Variants in DOCK8 observed in about 807,000 individuals in gnomAD.
DOCK8 encodes the protein dedicator of cytokinesis protein 8.
DOCK8 carries 141 observed loss-of-function variants against 245.6 expected under a neutral mutation model. The observed-to-expected ratio is 0.57, with a 90% CI of 0.50 to 0.66. The LOEUF (loss-of-function observed/expected upper bound fraction) is 0.66. DOCK8 is among the 30% of genes least tolerant of loss of function. The pLI is 0.00. For synonymous variants in DOCK8, 1,168 were observed against 970.2 expected (o/e 1.20, Z -3.79); for missense variants, 2,965 against 2,603.4 (o/e 1.14, Z -3.02).
chr9:424,897 A>G (rs969429031), intron 33 of DOCK8, among the ~76,000 whole-genome samples: 7 of 152,236 alleles, frequency 4.6e-5, no homozygotes, highest in African/African-American at 9.6e-5. Flanking sequence ...GTGCTGTCCA[A>G]TACAGTAGCC....
intron 9 of DOCK8, among the ~76,000 whole-genome samples, chr9:328,826 CTT>C (rs1758781608): frequency 6.6e-6 from 1 of 151,056 alleles, no homozygotes; most frequent in Middle Eastern, 3.4e-3. Context: ...AGGCTATACT[CTT>C]TGCTGTTGTA....
chr9:423,591 C>G (rs1222578345), intron 33 of DOCK8, among the ~76,000 whole-genome samples: 1 of 152,156 alleles, frequency 6.6e-6, no homozygotes, highest in Non-Finnish European at 1.5e-5. Flanking sequence ...TGGGGAGTCA[C>G]ATTTATTTTA....
intron 28 of DOCK8, among the ~76,000 whole-genome samples, chr9:409,727 C>T (rs1232903127): frequency 2.6e-5 from 4 of 151,854 alleles, no homozygotes; most frequent in Admixed American, 2.0e-4. Flanking sequence ...GCTGTCCCTC[C>T]CCACTCCCCC....
intron 5 of DOCK8, among the ~76,000 whole-genome samples, chr9:307,864 C>T (rs540092225): frequency 2.2e-4 from 34 of 152,194 alleles, no homozygotes; most frequent in African/African-American, 6.5e-4. Flanking sequence ...TATGTATACA[C>T]GATAGAATAC....
intron 26 of DOCK8, among the ~76,000 whole-genome samples, chr9:403,531 A>G (rs745961374): frequency 3.9e-5 from 6 of 152,280 alleles, no homozygotes; most frequent in East Asian, 1.9e-4. Flanking sequence ...TCTGTAGGCA[A>G]TATGTCCCAC....
At chr9:432,647 G>A (rs570072171) in intron 37 of DOCK8, among the ~76,000 whole-genome samples, 1 of 152,148 alleles carries the variant, frequency 6.6e-6, no homozygotes, top group African/African-American at 2.4e-5. Context: ...AGGAAGAGAG[G>A]TCGTGATCAA....
chr9:442,280 T>C (rs2057117106), intron 42 of DOCK8, among the ~76,000 whole-genome samples: 1 of 152,264 alleles, frequency 6.6e-6, no homozygotes, highest in African/African-American at 2.4e-5. Flanking sequence ...TTGAAGTCTG[T>C]GCAAAATTCA....
At chr9:305,131 T>C (rs550255616) in intron 5 of DOCK8, among the ~76,000 whole-genome samples, 7 of 152,308 alleles carry the variant, frequency 4.6e-5, no homozygotes, top group African/African-American at 1.4e-4. Flanking sequence ...GGGCTTCAGT[T>C]TCCTCCCCTG....
Position 428,363 on chromosome 9 carries a change from C to A in DOCK8, c.4340C>A (p.Ala1447Glu). The A allele has an allele frequency of 1.9e-6, 3 of 1,614,140 alleles. No homozygotes were observed. The highest frequency in any genetic ancestry group is 1.7e-6 in the Non-Finnish European group (2 of 1,180,038). The change falls in exon 35 of 48, where the codon GCG becomes GAG. Residue 1447 changes from alanine to glutamate, a missense_variant and splice_region_variant. By Grantham distance (107) the Ala-to-Glu change is moderately radical. This residue lies in a region of DOCK8 where 2,825 missense variants were observed against 2,453.5 expected (regional missense o/e 1.15). Coordinates refer to ENST00000432829, the MANE Select transcript of DOCK8 (RefSeq NM_203447.4). The stretch of plus-strand genomic sequence containing the variant: ...GATGCTGTTCTTCCATTCCCCCAGG[C>A]GAGCTCGGCTCTGGACTGTAAAGAC... Reference protein sequence around the residue: ...ILDMQENIIQASSALDCKDSL... With the variant: ...ILDMQENIIQESSALDCKDSL...
At chr9:307,174 A>G (rs1309252630) in intron 5 of DOCK8, among the ~76,000 whole-genome samples, 2 of 152,100 alleles carry the variant, frequency 1.3e-5, no homozygotes, top group Non-Finnish European at 2.9e-5. Flanking sequence ...CAGCAGACAC[A>G]GCGGAAATAT....
At chr9:288,903 A>G (rs1027460775) in intron 3 of DOCK8, among the ~76,000 whole-genome samples, 4 of 152,228 alleles carry the variant, frequency 2.6e-5, no homozygotes, top group African/African-American at 9.6e-5. Flanking sequence ...GTACTAATGC[A>G]TTTGCAACAA....
At position 377,199 on chromosome 9, in the gene DOCK8, G is replaced by T; in HGVS notation, c.2428G>T (p.Ala810Ser). ...GCTGTCCGTGCAGCCCATGGTCATC[G>T]CTGGCCAGACAGGTATGAACCTGCA... ...FQLSVQPMVI[A>S]GQTANFSQFA... The change falls in exon 20 of 48, where the codon GCT becomes TCT. Residue 810 changes from alanine to serine, a missense_variant. Ala to Ser is a moderately conservative substitution (Grantham distance 99). Around this residue, in one of 3 missense-constraint regions of DOCK8, gnomAD observed 2,825 missense variants for 2,453.5 expected, o/e 1.15. Coordinates refer to ENST00000432829, the MANE Select transcript of DOCK8 (RefSeq NM_203447.4). 6.3e-7 allele frequency: 1 copy of T among 1,593,042 alleles called. No individual in the cohort carries two copies. Among genetic ancestry groups the T allele is most frequent in the South Asian group, 1.1e-5 (1 of 89,590 alleles).
In DOCK8 at chr9:333,582, CAG is replaced by C. The variant is rs2051154809; in HGVS notation, c.1126-640_1126-639del. On this transcript the variant is annotated intron_variant, in intron 10 of 47. Coordinates refer to ENST00000432829, the MANE Select transcript of DOCK8 (RefSeq NM_203447.4). ...TGCCACTGCACTCCAGCCTGGGTGA[CAG>C]AGTGAGACTCTGTCTCAAAAAAAAA... is the stretch of plus-strand genomic sequence containing the variant. Among the ~76,000 whole-genome samples, 3 of 146,210 alleles carry C rather than the reference CAG, an allele frequency of 2.1e-5. No homozygotes were observed. In the South Asian group the frequency reaches 6.4e-4, roughly 31 times the overall value.
At chr9:384,254 C>T (rs937025078) in intron 22 of DOCK8, among the ~76,000 whole-genome samples, 7 of 152,136 alleles carry the variant, frequency 4.6e-5, no homozygotes, top group African/African-American at 9.7e-5. Flanking sequence ...ATGGAGTATA[C>T]GATCCAACAG....
In DOCK8 at chr9:245,136, C is replaced by T. The variant is rs139480421; in HGVS notation, c.54-26491C>T. ...ACACTCACTCCACAAGCCACCTACA[C>T]AGCTGTAGTTGTTTTCAGCCGACAG... On this transcript the variant is annotated intron_variant, in intron 1 of 47. Transcript: ENST00000432829. 3.8e-4 allele frequency among the ~76,000 whole-genome samples: 58 copies of T among 152,302 alleles called. No homozygotes were observed. In the East Asian group the frequency reaches 0.01, roughly 27 times the overall value.
intron 2 of DOCK8, among the ~76,000 whole-genome samples, chr9:278,459 T>G (rs931589735): frequency 1.3e-5 from 2 of 152,208 alleles, no homozygotes; most frequent in South Asian, 2.1e-4. Flanking sequence ...GATACAACAG[T>G]GAATACAATA....
intron 1 of DOCK8, among the ~76,000 whole-genome samples, chr9:230,518 C>G (rs1423953883): frequency 6.6e-6 from 1 of 152,104 alleles, no homozygotes; most frequent in East Asian, 1.9e-4. Context: ...GTCCCACCAA[C>G]AGTGTAAAAG....
At chr9:350,304 G>A (rs1013010923) in intron 14 of DOCK8, among the ~76,000 whole-genome samples, 1 of 152,146 alleles carries the variant, frequency 6.6e-6, no homozygotes, top group Non-Finnish European at 1.5e-5. Context: ...TAGAGACAAG[G>A]TCTCACTCTG....
At chr9:403,858 A>ATCTCTCTGTCTCTCTCTCTCTC (rs1554693888) in intron 26 of DOCK8, among the ~76,000 whole-genome samples, 6 of 83,966 alleles carry the variant, frequency 7.1e-5, no homozygotes, top group Non-Finnish European at 1.1e-4. Context: ...AAGACTCTGT[A>ATCTCTCTGTCTCTCTCTCTCTC]TCTCTCTCTC....
Sources: gnomAD v4.1 joint callset for allele counts (sites outside exome capture counted in the v4.1 genomes callset) on GRCh38, gnomAD v4.1.1 for gene constraint, gnomAD v4.1.1 regional missense constraint, MANE v1.5 for transcripts, NCBI Gene and HGNC (gene_info 2026-07-23, HGNC 2026-07-21) for gene names.